IQGAP3: variants seen among roughly 807,000 people sequenced by gnomAD.
IQGAP3 encodes IQ motif containing GTPase activating protein 3.
IQGAP3 carries 165 observed loss-of-function variants against 208.2 expected under a neutral mutation model. The observed-to-expected ratio is 0.79, with a 90% CI of 0.70 to 0.90. The LOEUF is 0.90. Ranked by LOEUF, IQGAP3 falls within the 40% of genes least tolerant of loss-of-function variation. The pLI is 0.00. For missense variants in IQGAP3, 1,811 were observed against 2,043.1 expected (o/e 0.89, Z 2.19); for synonymous variants, 703 against 803.6 (o/e 0.87, Z 2.12).
intron 1 of IQGAP3, 27 bp downstream of exon 1, chr1:156,572,466 C>A (rs1282524538): frequency 2.5e-6 from 4 of 1,606,846 alleles, no homozygotes; most frequent in Non-Finnish European, 2.5e-6. Context: ...CACTGCGAGA[C>A]CCTTCTCTGA....
intron 2 of IQGAP3, among the ~76,000 whole-genome samples, chr1:156,568,174 A>C (rs1012733600): frequency 1.3e-5 from 2 of 152,148 alleles, no homozygotes; most frequent in Non-Finnish European, 2.9e-5. Flanking sequence ...GGGAAAAAAA[A>C]CCACCAACAC....
rs1384813746 is a variant in IQGAP3, at chr1:156,564,523, C to T, written c.437+92G>A. On this transcript the variant is annotated intron_variant, in intron 5 of 37. Coordinates refer to ENST00000361170, the MANE Select transcript of IQGAP3 (RefSeq NM_178229.5). The stretch of plus-strand genomic sequence containing the variant: ...TGAGCAGTGCTCCCTGTGGTCTACC[C>T]TTCATCCTTCTTTCTTGCTGAGTTT... 8.1e-6 allele frequency: 7 copies of T among 867,894 alleles called. No homozygotes were observed. The East Asian group carries it at 1.4e-4, about 18-fold the overall frequency. 53.8% of individuals were successfully genotyped at this position (867,894 alleles called of 1,614,324 possible). A position where few individuals can be genotyped will look rare whatever the true frequency, so the allele number is the denominator to read the frequency against.
Position 156,539,993 on chromosome 1 carries a change from G to A in IQGAP3, c.2740-3C>T. 6.2e-6 allele frequency: 10 copies of A among 1,614,112 alleles called. No individual in the cohort carries two copies. Among genetic ancestry groups the A allele is most frequent in the Non-Finnish European group, 7.6e-6 (9 of 1,180,022 alleles). ...TTCTTGCAGTGGGAGACCACTTCCT[G>A]CAGGGGTGGAGGAGCGGGTGATACA... is the stretch of plus-strand genomic sequence containing the variant. On this transcript the variant is annotated splice_polypyrimidine_tract_variant and splice_region_variant and intron_variant, in intron 23 of 37. Transcript: ENST00000361170.
intron 11 of IQGAP3, 31 bp from the exon 12 acceptor site, chr1:156,556,724 G>C: frequency 6.7e-7 from 1 of 1,483,504 alleles, no homozygotes. Context: ...AGGTTGTACT[G>C]GCCGGGCATT....
rs758455239 is a variant in IQGAP3 at position 156,566,467 on chromosome 1, C to T, written c.205G>A (p.Ala69Thr). 1.2e-6 allele frequency: 2 copies of T among 1,614,088 alleles called. No homozygotes were observed. The highest frequency in any genetic ancestry group is 4.5e-5 in the East Asian group (2 of 44,878). The change falls in exon 3 of 38, where the codon GCC becomes ACC. Residue 69 changes from alanine to threonine, a missense_variant. Physicochemically the swap from Ala to Thr is moderately conservative, Grantham distance 58. Coordinates refer to ENST00000361170, the MANE Select transcript of IQGAP3 (RefSeq NM_178229.5). ...GGTGCAAAACAGTGGCCTAGCTTGG[C>T]CAGCAGCACTCCATTCCGAAGGCTC... is the stretch of plus-strand genomic sequence containing the variant. ...EESLRNGVLL[A>T]KLGHCFAPSV...
At chr1:156,550,231 C>G (rs1675481166) in intron 16 of IQGAP3, 30 bp downstream of exon 16, 5 of 1,524,062 alleles carry the variant, frequency 3.3e-6, no homozygotes, top group African/African-American at 2.7e-5. Flanking sequence ...CATCCCTCCC[C>G]TCCCAGGGTC....
In IQGAP3 at chr1:156,531,070, G is replaced by A. The variant is rs1013400767; in HGVS notation, c.4191+90C>T. Reference sequence around the variant, plus strand: ...GTGTCTGCTTCTGGCTGATGTGGGTGAGGTTCAGAGGAGGGAAACAGCAGC... The same window carrying A: ...GTGTCTGCTTCTGGCTGATGTGGGTAAGGTTCAGAGGAGGGAAACAGCAGC... On this transcript the variant is annotated intron_variant, in intron 33 of 37. Transcript: ENST00000361170. The A allele has an allele frequency of 1.3e-5, 12 of 895,640 alleles. No individual in the cohort carries two copies. In the African/African-American group the frequency reaches 2.0e-4, roughly 15 times the overall value. The allele number at this position is 895,640 out of a possible 1,614,324, so 55.5% of individuals were successfully genotyped here.
intron 22 of IQGAP3, among the ~76,000 whole-genome samples, chr1:156,542,401 G>A (rs888348468): frequency 2.6e-5 from 4 of 151,846 alleles, no homozygotes; most frequent in Non-Finnish European, 5.9e-5. Context: ...TGTTGGCCAC[G>A]CTGGTCTTAA....
chr1:156,563,861 C>T, intron 5 of IQGAP3, 37 bp from the exon 6 acceptor site: 1 of 1,577,552 alleles, frequency 6.3e-7, no homozygotes, highest in South Asian at 1.1e-5. Flanking sequence ...GGCACTGGGG[C>T]CTATTCATTT....
At chr1:156,537,974 C>A (rs377222973) in intron 26 of IQGAP3, among the ~76,000 whole-genome samples, 3 of 151,720 alleles carry the variant, frequency 2.0e-5, no homozygotes, top group Non-Finnish European at 4.4e-5. Context: ...CTCGGCTCAC[C>A]GCAACCTCCC....
intron 11 of IQGAP3, 55 bp from the exon 12 acceptor site, chr1:156,556,748 A>G (rs1675840316): frequency 2.1e-6 from 3 of 1,431,474 alleles, no homozygotes; most frequent in Non-Finnish European, 2.8e-6. Context: ...TGGCATCTCC[A>G]CTCTCCTCAC....
In IQGAP3 at chr1:156,556,619, A is replaced by C. The variant is rs1675832127; in HGVS notation, c.1204T>G (p.Cys402Gly). The stretch of plus-strand genomic sequence containing the variant: ...ACTGGAGGCAGCTGGGCCTCAGGGC[A>C]CATCAGCTCCTTCACAGTGTCAGCC... ...VAADTVKELM[C>G]PEAQLPPVYP... The change falls in exon 12 of 38, where the codon TGC becomes GGC. Residue 402 changes from cysteine (C) to glycine (G), a missense_variant. Transcript: ENST00000361170. 6.2e-7 allele frequency: 1 copy of C among 1,612,312 alleles called. No homozygotes were observed. The highest frequency in any genetic ancestry group is 8.5e-7 in the Non-Finnish European group (1 of 1,178,906).
chr1:156,568,671 C>A (rs147591088), intron 2 of IQGAP3, among the ~76,000 whole-genome samples: 8 of 152,160 alleles, frequency 5.3e-5, no homozygotes, highest in African/African-American at 1.9e-4. Context: ...TATGGGCACA[C>A]GCCACCATGC....
In IQGAP3 at chr1:156,554,225, C is replaced by A; in HGVS notation, c.1448+10G>T. On this transcript the variant is annotated intron_variant, in intron 13 of 37. Coordinates refer to ENST00000361170, the MANE Select transcript of IQGAP3 (RefSeq NM_178229.5). ...CCCTCACTCCCAATGTGTGGCTAAG[C>A]CTTTCTCACCGCTGGGCATTTTCTC... is the stretch of plus-strand genomic sequence containing the variant. 6.3e-7 allele frequency: 1 copy of A among 1,598,914 alleles called. No individual in the cohort carries two copies. Among genetic ancestry groups the A allele is most frequent in the Non-Finnish European group, 8.5e-7 (1 of 1,173,776 alleles).
chr1:156,529,993 T>C, intron 34 of IQGAP3, 112 bp downstream of exon 34: 1 of 766,636 alleles, frequency 1.3e-6, no homozygotes, highest in Non-Finnish European at 2.1e-6. Flanking sequence ...GGTGACAATT[T>C]TGGGTGAGGA....
At chr1:156,544,753 ACT>A (rs1675151312) in intron 19 of IQGAP3, among the ~76,000 whole-genome samples, 1 of 152,080 alleles carries the variant, frequency 6.6e-6, no homozygotes, top group Non-Finnish European at 1.5e-5. Flanking sequence ...CTTCACAGAA[ACT>A]CAACTATAAG....
Position 156,550,293 on chromosome 1 carries a change from C to T in IQGAP3, c.1793G>A (p.Arg598Lys). ...WLEEIRQGVV[R>K]ANQDTNTAQR... ...AGCTGTATTAGTGTCCTGGTTGGCT[C>T]TGACCACTCCCTGGCGGATCTCCTC... is the stretch of plus-strand genomic sequence containing the variant. The change falls in exon 16 of 38, where the codon AGA (arginine) becomes AAA (lysine). Residue 598 changes from arginine to lysine, a missense_variant. By Grantham distance (26) the Arg-to-Lys change is conservative. Transcript: ENST00000361170. 6.2e-7 allele frequency: 1 copy of T among 1,613,914 alleles called. No individual in the cohort carries two copies. Among genetic ancestry groups the T allele is most frequent in the Non-Finnish European group, 8.5e-7 (1 of 1,179,862 alleles).
intron 2 of IQGAP3, among the ~76,000 whole-genome samples, chr1:156,567,092 C>G (rs749215395): frequency 2.0e-5 from 3 of 152,294 alleles, no homozygotes; most frequent in Non-Finnish European, 2.9e-5. Context: ...GTCTCAAACT[C>G]CCGACCTCAG....
chr1:156,551,749 G>A lies in IQGAP3; in HGVS notation c.1690C>T (p.Arg564Trp), dbSNP rs376718235. 1.1e-5 allele frequency: 17 copies of A among 1,613,854 alleles called. No individual in the cohort carries two copies. Among genetic ancestry groups the A allele is most frequent in the South Asian group, 5.5e-5 (5 of 90,996 alleles). The change falls in exon 15 of 38, where the codon CGG (arginine) becomes TGG (tryptophan). Residue 564 changes from arginine (R) to tryptophan (W), a missense_variant. By Grantham distance (101) the Arg-to-Trp change is moderately radical (BLOSUM62 -3). Coordinates refer to ENST00000361170, the MANE Select transcript of IQGAP3 (RefSeq NM_178229.5). ...GCTGCCACAAGGAGGAGATGGTACC[G>A]AGGGGCGACAGGGAGGCTGACATCA... ...LDDVSLPVAP[R>W]YHLLLVAAKR...
Sources: allele counts gnomAD v4.1 joint callset (sites outside exome capture counted in the v4.1 genomes callset), GRCh38; gene constraint gnomAD v4.1.1; transcripts MANE v1.5; gene names NCBI Gene and HGNC (gene_info 2026-07-23, HGNC 2026-07-21).